The following MEI4 variants were observed in gnomAD, a reference collection of about 807,000 sequenced individuals.
MEI4 encodes meiosis-specific protein MEI4.
MEI4 carries 27 observed loss-of-function variants against 31.4 expected under a neutral mutation model. The ratio of observed to expected loss-of-function variants is 0.86; its 90% CI spans 0.63 to 1.19. MEI4 has a LOEUF of 1.19. Among genes scored for constraint, MEI4 ranks in the 50% most tolerant of loss-of-function variants. MEI4 has a pLI of 0.00. For missense variants in MEI4, 329 were observed against 398.9 expected, an observed-to-expected ratio of 0.82 and a Z score of 1.49; for synonymous variants, 122 against 145.4, an observed-to-expected ratio of 0.84 and a Z score of 1.16.
intron 3 of MEI4, among the ~76,000 whole-genome samples, chr6:77,788,038 C>T (rs1356525985): frequency 6.6e-6 from 1 of 152,110 alleles, no homozygotes; most frequent in South Asian, 2.1e-4. Context: ...GGAGGATTCC[C>T]TCTTTTTCTA....
chr6:77,882,238 C>G (rs531218405), intron 4 of MEI4, among the ~76,000 whole-genome samples: 5 of 152,274 alleles, frequency 3.3e-5, no homozygotes, highest in East Asian at 1.9e-4. Context: ...CATCACCCCC[C>G]CAGTGTATCA....
At chr6:77,745,884 G>T (rs568325110) in intron 2 of MEI4, among the ~76,000 whole-genome samples, 1 of 152,120 alleles carries the variant, frequency 6.6e-6, no homozygotes, top group African/African-American at 2.4e-5. Flanking sequence ...GGTACATAAT[G>T]AAATGAAGGG....
At position 77,804,483 on chromosome 6, in the gene MEI4, G is replaced by A. The variant is rs190041770; in HGVS notation, c.769-24448G>A. Among the ~76,000 whole-genome samples the A allele has an allele frequency of 4.9e-3, 752 of 152,218 alleles. 3 individuals are homozygous for A. Among genetic ancestry groups the A allele is most frequent in the Admixed American group, 8.0e-3 (122 of 15,286 alleles). On this transcript the variant is annotated intron_variant, in intron 3 of 4. Coordinates refer to ENST00000684080, the MANE Select transcript of MEI4 (RefSeq NM_001322247.2). ...GTCCTGCACCCACTTTCCGACACTCGCCAGTGAGATGAACCTGGTACCTCA... is the reference window on the plus strand; with the variant it reads ...GTCCTGCACCCACTTTCCGACACTCACCAGTGAGATGAACCTGGTACCTCA...
intron 4 of MEI4, among the ~76,000 whole-genome samples, chr6:77,916,125 A>G (rs1379570941): frequency 6.6e-6 from 1 of 152,026 alleles, no homozygotes; most frequent in African/African-American, 2.4e-5. Flanking sequence ...AATGCTATCT[A>G]TCTCATTGAT....
At chr6:77,920,515 TC>T (rs1418107224) in intron 4 of MEI4, among the ~76,000 whole-genome samples, 1 of 151,904 alleles carries the variant, frequency 6.6e-6, no homozygotes. Flanking sequence ...CAATAATTCT[TC>T]CAAACTCCTG....
At position 77,847,973 on chromosome 6, in the gene MEI4, C is replaced by T. The variant is rs1465843783; in HGVS notation, c.900+18911C>T. 6.6e-6 allele frequency among the ~76,000 whole-genome samples: 1 copy of T among 152,130 alleles called. No individual in the cohort carries two copies. The highest frequency in any genetic ancestry group is 6.6e-5 in the Admixed American group (1 of 15,246). On this transcript the variant is annotated intron_variant, in intron 4 of 4. Transcript: ENST00000684080. The surrounding 1 kb of genome is among the most constrained non-coding windows in gnomAD (Gnocchi z 4.6). The stretch of plus-strand genomic sequence containing the variant: ...AAGAACGTCGGAATATTTATCTCCT[C>T]TTCACTTTATGTATCTTTATGCAGG...
At chr6:77,811,705 G>A (rs534755205) in intron 3 of MEI4, among the ~76,000 whole-genome samples, 1 of 151,654 alleles carries the variant, frequency 6.6e-6, no homozygotes, top group African/African-American at 2.4e-5. Context: ...AACCTGGGAG[G>A]TGGAGGTTGC....
rs1766780895 is a variant in MEI4, at chr6:77,924,008, A to C, written c.*662A>C. On this transcript the variant is annotated 3_prime_UTR_variant, in exon 5 of 5. Coordinates refer to ENST00000684080, the MANE Select transcript of MEI4 (RefSeq NM_001322247.2). Reference sequence around the variant, plus strand: ...AACAAATACTTGTTTCAATTCTGTTAATTAAATATGTTATAATAGTCTTGT... The same window carrying C: ...AACAAATACTTGTTTCAATTCTGTTCATTAAATATGTTATAATAGTCTTGT... The C allele has an allele frequency of 6.6e-6, 1 of 151,444 alleles. No individual in the cohort carries two copies. Among genetic ancestry groups the C allele is most frequent in the Non-Finnish European group, 1.5e-5 (1 of 67,786 alleles). 9.4% of individuals were successfully genotyped at this position (151,444 alleles called of 1,614,324 possible).
intron 1 of MEI4, among the ~76,000 whole-genome samples, chr6:77,677,911 G>C (rs1768874408): frequency 1.3e-5 from 2 of 152,168 alleles, no homozygotes; most frequent in Middle Eastern, 3.4e-3. Context: ...TTGTAAGGAG[G>C]TGATACTTTT....
At chr6:77,794,821 C>G (rs147260312) in intron 3 of MEI4, among the ~76,000 whole-genome samples, 1 of 151,930 alleles carries the variant, frequency 6.6e-6, no homozygotes, top group Admixed American at 6.6e-5. Context: ...ACTTTCTTCA[C>G]GATAGATTAT....
intron 4 of MEI4, among the ~76,000 whole-genome samples, chr6:77,916,175 C>A (rs1419185150): frequency 1.3e-5 from 2 of 151,828 alleles, no homozygotes; most frequent in South Asian, 2.1e-4. Context: ...TTTCTGATTT[C>A]TTTGTATTGT....
At chr6:77,787,747 C>G (rs1768783238) in intron 3 of MEI4, among the ~76,000 whole-genome samples, 4 of 151,840 alleles carry the variant, frequency 2.6e-5, no homozygotes. Flanking sequence ...GAAAAAATTT[C>G]AAAATAATCA....
chr6:77,732,424 A>G (rs181194020), intron 2 of MEI4, among the ~76,000 whole-genome samples: 2 of 151,750 alleles, frequency 1.3e-5, no homozygotes, highest in African/African-American at 2.4e-5. Flanking sequence ...ATTTGGCTCT[A>G]TGTTTGTCTG....
At chr6:77,883,733 T>TATATATATATATATATATATAG (rs1771552421) in intron 4 of MEI4, among the ~76,000 whole-genome samples, 1 of 140,866 alleles carries the variant, frequency 7.1e-6, no homozygotes. Context: ...TATATATATA[T>TATATATATATATATATATATAG]ATATATATAT....
At chr6:77,902,098 T>C (rs1260974038) in intron 4 of MEI4, among the ~76,000 whole-genome samples, 1 of 152,160 alleles carries the variant, frequency 6.6e-6, no homozygotes. Context: ...ACTGTTTTGA[T>C]TATTATAGCC....
At chr6:77,784,939 A>C (rs894495487) in intron 3 of MEI4, among the ~76,000 whole-genome samples, 3 of 152,178 alleles carry the variant, frequency 2.0e-5, no homozygotes, top group Admixed American at 6.6e-5. Flanking sequence ...CCAAGAACTC[A>C]GTTGCAAAGC....
intron 1 of MEI4, among the ~76,000 whole-genome samples, chr6:77,665,164 A>C (rs970660202): frequency 2.0e-5 from 3 of 151,612 alleles, no homozygotes; most frequent in Non-Finnish European, 4.4e-5. Flanking sequence ...GTGCAGAAAT[A>C]AGGAGTCGAG....
At chr6:77,736,381 G>T (rs1480511762) in intron 2 of MEI4, among the ~76,000 whole-genome samples, 1 of 152,048 alleles carries the variant, frequency 6.6e-6, no homozygotes, top group African/African-American at 2.4e-5. Flanking sequence ...TATTTGGGTG[G>T]GAGTGACCCG....
At chr6:77,905,384 A>G (rs1051777075) in intron 4 of MEI4, among the ~76,000 whole-genome samples, 1 of 150,824 alleles carries the variant, frequency 6.6e-6, no homozygotes, top group African/African-American at 2.4e-5. Flanking sequence ...TATGTCTTGT[A>G]CAGTTTTATT....
Sources: gnomAD v4.1 joint callset for allele counts (sites outside exome capture counted in the v4.1 genomes callset) on GRCh38, gnomAD v4.1.1 for gene constraint, Gnocchi (gnomAD v3.1) non-coding constraint, MANE v1.5 for transcripts, NCBI Gene and HGNC (gene_info 2026-07-23, HGNC 2026-07-21) for gene names.